The following KAT2B variants were observed in gnomAD, a reference collection of about 807,000 sequenced individuals.
KAT2B encodes lysine acetyltransferase 2B, also known as histone acetyltransferase KAT2B.
A neutral mutation model predicts 105.9 loss-of-function variants in KAT2B; 36 were observed. The observed-to-expected ratio is 0.34, with a 90% CI of 0.26 to 0.45. The LOEUF is 0.45. KAT2B is among the 20% of genes least tolerant of loss of function. The probability of loss-of-function intolerance (pLI) is 1.00; values close to 1 mark genes in which losing one functional copy is unlikely to be tolerated. For synonymous variants in KAT2B, 397 were observed against 377.9 expected (o/e 1.05, Z -0.59); for missense variants, 820 against 1,021.6 (o/e 0.80, Z 2.69).
intron 4 of KAT2B, among the ~76,000 whole-genome samples, 193 bp downstream of exon 4, chr3:20,100,147 C>T (rs972555744): frequency 1.3e-5 from 2 of 152,094 alleles, no homozygotes; most frequent in African/African-American, 4.8e-5. Flanking sequence ...TAGCTTTTGC[C>T]TTTTAGGGTT....
chr3:20,101,204 C>T, intron 4 of KAT2B, 83 bp from the exon 5 acceptor site: 1 of 1,107,322 alleles, frequency 9.0e-7, no homozygotes, highest in Non-Finnish European at 1.3e-6. Flanking sequence ...TGCTAATAAC[C>T]ACCAATCATG....
intron 10 of KAT2B, among the ~76,000 whole-genome samples, chr3:20,126,335 T>TA (rs1699403286): frequency 6.6e-6 from 1 of 152,202 alleles, no homozygotes; most frequent in Non-Finnish European, 1.5e-5. Context: ...CTTTATATTT[T>TA]ACATTGCTGA....
intron 1 of KAT2B, among the ~76,000 whole-genome samples, chr3:20,047,912 G>T (rs1256670387): frequency 6.6e-6 from 1 of 152,046 alleles, no homozygotes; most frequent in Non-Finnish European, 1.5e-5. Flanking sequence ...CACCACACAA[G>T]GCCCATGAAT....
intron 13 of KAT2B, among the ~76,000 whole-genome samples, chr3:20,145,561 T>G (rs1396639201): frequency 7.9e-6 from 1 of 126,726 alleles, no homozygotes; most frequent in Non-Finnish European, 1.9e-5. Flanking sequence ...TTAGTTTTTT[T>G]TTTTTTTTTT....
chr3:20,100,270 A>G (rs1698887664), intron 4 of KAT2B, among the ~76,000 whole-genome samples: 1 of 152,208 alleles, frequency 6.6e-6, no homozygotes, highest in Admixed American at 6.5e-5. Flanking sequence ...GTGCTTTAAA[A>G]TGAAGTCTTT....
Position 20,152,413 on chromosome 3 carries a change from T to C in KAT2B, c.2387T>C (p.Phe796Ser), listed in dbSNP as rs1699884921. Reference sequence around the variant, plus strand: ...TTCATGGCAGACTTACAGCGAGTCTTTACCAATTGCAAAGAGTACAACCCC... The same window carrying C: ...TTCATGGCAGACTTACAGCGAGTCTCTACCAATTGCAAAGAGTACAACCCC... ...KLFMADLQRV[F>S]TNCKEYNPPE... Residue 796 changes from phenylalanine (F) to serine (S), a missense_variant, in exon 18 of 18, where the codon TTT becomes TCT. Around this residue, in one of 6 missense-constraint regions of KAT2B, gnomAD observed 227 missense variants for 292.9 expected, o/e 0.77. Transcript: ENST00000263754. The C allele has an allele frequency of 1.9e-6, 3 of 1,613,356 alleles. No homozygotes were observed. Among genetic ancestry groups the C allele is most frequent in the Non-Finnish European group, 2.5e-6 (3 of 1,179,542 alleles).
intron 2 of KAT2B, among the ~76,000 whole-genome samples, chr3:20,072,667 T>A (rs1355284927): frequency 6.6e-6 from 1 of 152,200 alleles, no homozygotes; most frequent in Non-Finnish European, 1.5e-5. Flanking sequence ...CTTTGTCCCT[T>A]CTTCCTTTCA....
intron 1 of KAT2B, among the ~76,000 whole-genome samples, chr3:20,065,079 A>G (rs1035671864): frequency 2.6e-5 from 4 of 152,142 alleles, no homozygotes; most frequent in African/African-American, 9.7e-5. Flanking sequence ...GTTTCTGCAT[A>G]CTATAACAAC....
At position 20,062,199 on chromosome 3, in the gene KAT2B, ATTT is replaced by A. The variant is rs372590812; in HGVS notation, c.304-10132_304-10130del. 2.3e-3 allele frequency among the ~76,000 whole-genome samples: 90 copies of A among 39,754 alleles called. 6 individuals carry two copies. Among genetic ancestry groups the A allele is most frequent in the African/African-American group, 6.4e-3 (68 of 10,696 alleles). The allele number at this position is 39,754 out of a possible 152,430, so 26.1% of individuals were successfully genotyped here. ...AATATATAATATATAAAATATATAT[ATTT>A]TATATAAAATATATTATATATAAAA... On this transcript the variant is annotated intron_variant, in intron 1 of 17. Coordinates refer to ENST00000263754, the MANE Select transcript of KAT2B (RefSeq NM_003884.5).
chr3:20,097,706 T>C (rs892412530), intron 3 of KAT2B, among the ~76,000 whole-genome samples: 1 of 151,984 alleles, frequency 6.6e-6, no homozygotes, highest in African/African-American at 2.4e-5. Context: ...CCGGCTAATA[T>C]TTGTATTTTT....
chr3:20,040,990 C>T (rs1224297151), intron 1 of KAT2B, among the ~76,000 whole-genome samples: 1 of 152,158 alleles, frequency 6.6e-6, no homozygotes, highest in African/African-American at 2.4e-5. Flanking sequence ...AGGGGGATCA[C>T]TAAGACGGAG....
At chr3:20,063,528 A>G (rs796814780) in intron 1 of KAT2B, among the ~76,000 whole-genome samples, 5 of 126,318 alleles carry the variant, frequency 4.0e-5, no homozygotes, top group African/African-American at 1.1e-4. Flanking sequence ...ACTTCTGAGT[A>G]GGCCTCTTTT....
intron 5 of KAT2B, among the ~76,000 whole-genome samples, chr3:20,102,633 T>G (rs1173798902): frequency 6.6e-6 from 1 of 152,244 alleles, no homozygotes. Flanking sequence ...TTATTGCTTA[T>G]TACTTGCAGA....
intron 13 of KAT2B, among the ~76,000 whole-genome samples, chr3:20,144,546 C>G (rs1450268523): frequency 1.3e-5 from 2 of 151,250 alleles, no homozygotes; most frequent in Non-Finnish European, 2.9e-5. Context: ...ACCTCGGCCT[C>G]CCAAAGTGCT....
rs981438214 is a variant in KAT2B, at chr3:20,040,904, C to T, written c.303+124C>T. On this transcript the variant is annotated intron_variant, in intron 1 of 17. Coordinates refer to ENST00000263754, the MANE Select transcript of KAT2B (RefSeq NM_003884.5). Reference sequence around the variant, plus strand: ...GCCTCTCGCCTCCCGCCTGGGGCCGCTGCACCGCGGAAGTGCTCTTGTCGC... The same window carrying T: ...GCCTCTCGCCTCCCGCCTGGGGCCGTTGCACCGCGGAAGTGCTCTTGTCGC... 7 of 1,211,694 alleles carry T rather than the reference C, an allele frequency of 5.8e-6. No homozygotes were observed. In the Admixed American group the frequency reaches 1.1e-4, roughly 19 times the overall value. The allele number at this position is 1,211,694 out of a possible 1,614,324, so 75.1% of individuals were successfully genotyped here.
chr3:20,105,329 C>G (rs572269728), intron 5 of KAT2B, among the ~76,000 whole-genome samples: 5 of 152,208 alleles, frequency 3.3e-5, no homozygotes, highest in African/African-American at 1.2e-4. Context: ...GAAGAAATAA[C>G]CTAAAAAGAA....
intron 1 of KAT2B, among the ~76,000 whole-genome samples, chr3:20,048,198 A>G (rs1482750059): frequency 6.6e-6 from 1 of 152,238 alleles, no homozygotes; most frequent in Non-Finnish European, 1.5e-5. Context: ...TGGCAGGCAC[A>G]ATACAAAAAG....
Position 20,140,322 on chromosome 3 carries a change from C to T in KAT2B, c.1962C>T (p.Ile654=), listed in dbSNP as rs760101922. ...TGGGATGTGAGCTAAATCCACGGAT[C>T]CCGTACACAGAATTTTCTGTCATCA... ...TLMGCELNPR[I]PYTEFSVIIK... The change falls in exon 13 of 18, where the codon ATC becomes ATT. Residue 654 remains isoleucine (I), a synonymous_variant. Coordinates refer to ENST00000263754, the MANE Select transcript of KAT2B (RefSeq NM_003884.5). 9.3e-6 allele frequency: 15 copies of T among 1,613,702 alleles called. No homozygotes were observed. Among genetic ancestry groups the T allele is most frequent in the Non-Finnish European group, 1.2e-5 (14 of 1,179,826 alleles).
intron 10 of KAT2B, among the ~76,000 whole-genome samples, 160 bp from the exon 11 acceptor site, chr3:20,127,263 G>C (rs146049966): frequency 1.4e-4 from 21 of 152,248 alleles, no homozygotes; most frequent in East Asian, 1.2e-3. Context: ...AAAAAGTTCA[G>C]ATAAAAGGAT....
Sources: allele counts gnomAD v4.1 joint callset (sites outside exome capture counted in the v4.1 genomes callset), GRCh38; gene constraint gnomAD v4.1.1; regional missense constraint gnomAD v4.1.1; transcripts MANE v1.5; gene names NCBI Gene and HGNC (gene_info 2026-07-23, HGNC 2026-07-21).